CHSY3: variants seen among roughly 807,000 people sequenced by gnomAD.
CHSY3 encodes N-acetylgalactosaminyl-proteoglycan 3-beta-glucuronosyltransferase 3.
Under a neutral mutation model 67.2 loss-of-function variants are expected in CHSY3, and 35 were observed. The ratio of observed to expected loss-of-function variants is 0.52; its 90% CI spans 0.40 to 0.69. CHSY3 has a LOEUF of 0.69. CHSY3 is among the 30% of genes least tolerant of loss of function. The pLI is 0.00. For missense variants in CHSY3, 1,069 were observed against 1,138.5 expected, an observed-to-expected ratio of 0.94 and a Z score of 0.88; for synonymous variants, 474 against 434.7, an observed-to-expected ratio of 1.09 and a Z score of -1.12.
intron 2 of CHSY3, among the ~76,000 whole-genome samples, chr5:130,081,275 G>A (rs1024243657): frequency 6.6e-6 from 1 of 151,292 alleles, no homozygotes; most frequent in African/African-American, 2.4e-5. Flanking sequence ...TTCATTCTGT[G>A]CTTTGGGTGG....
chr5:129,973,790 A>G (rs1406772404), intron 2 of CHSY3, among the ~76,000 whole-genome samples: 5 of 152,118 alleles, frequency 3.3e-5, no homozygotes, highest in Non-Finnish European at 1.5e-5. Flanking sequence ...TGGAGAAGTC[A>G]CTTTTAGTCT....
chr5:130,044,313 C>T (rs925336427), intron 2 of CHSY3, among the ~76,000 whole-genome samples: 15 of 151,962 alleles, frequency 9.9e-5, no homozygotes, highest in Admixed American at 7.2e-4. Context: ...AGGAGGTCAG[C>T]TGCATCATCT....
intron 2 of CHSY3, among the ~76,000 whole-genome samples, chr5:130,092,953 A>C (rs563885395): frequency 6.6e-6 from 1 of 152,336 alleles, no homozygotes; most frequent in South Asian, 2.1e-4. Flanking sequence ...TTCAAATCCA[A>C]TGATCTGGTG....
At chr5:130,151,305 G>A (rs965234082) in intron 2 of CHSY3, among the ~76,000 whole-genome samples, 8 of 152,318 alleles carry the variant, frequency 5.3e-5, no homozygotes, top group African/African-American at 1.4e-4. Flanking sequence ...GGCCCAAAAT[G>A]CCACTTTTGG....
At chr5:130,033,374 T>C (rs193180706) in intron 2 of CHSY3, among the ~76,000 whole-genome samples, 9 of 152,272 alleles carry the variant, frequency 5.9e-5, no homozygotes, top group Admixed American at 3.9e-4. Flanking sequence ...CAGAGGTAGC[T>C]TCTAACTCTT....
chr5:130,056,410 A>T (rs1041282105), intron 2 of CHSY3, among the ~76,000 whole-genome samples: 1 of 152,132 alleles, frequency 6.6e-6, no homozygotes, highest in Non-Finnish European at 1.5e-5. Context: ...TTGCTTAAAG[A>T]GCTTTGATAG....
intron 2 of CHSY3, among the ~76,000 whole-genome samples, chr5:130,019,983 A>G (rs1764319290): frequency 6.6e-6 from 1 of 152,204 alleles, no homozygotes; most frequent in Non-Finnish European, 1.5e-5. Flanking sequence ...AGCCCCAATT[A>G]GCTTTGTACT....
chr5:129,979,216 A>C (rs1762904472), intron 2 of CHSY3, among the ~76,000 whole-genome samples: 1 of 150,438 alleles, frequency 6.6e-6, no homozygotes, highest in African/African-American at 2.4e-5. Flanking sequence ...AAAAAAAAAA[A>C]AAAAAAAAAG....
At chr5:129,908,528 T>A (rs1760409933) in intron 2 of CHSY3, among the ~76,000 whole-genome samples, 168 bp downstream of exon 2, 1 of 152,160 alleles carries the variant, frequency 6.6e-6, no homozygotes, top group South Asian at 2.1e-4. Context: ...TCATTAGGTG[T>A]CAGGCCTGTC....
intron 2 of CHSY3, among the ~76,000 whole-genome samples, chr5:130,124,524 C>G (rs139912221): frequency 4.0e-5 from 6 of 151,040 alleles, no homozygotes; most frequent in Admixed American, 1.3e-4. Flanking sequence ...GGCGTGATCT[C>G]AGCTCACTGC....
intron 2 of CHSY3, among the ~76,000 whole-genome samples, chr5:130,158,190 G>A (rs1322299166): frequency 6.6e-6 from 1 of 152,132 alleles, no homozygotes; most frequent in Admixed American, 6.5e-5. Flanking sequence ...AACTCACTGG[G>A]AATGCAGTTC....
intron 2 of CHSY3, among the ~76,000 whole-genome samples, chr5:129,962,652 C>T (rs781504635): frequency 3.9e-4 from 60 of 151,996 alleles, no homozygotes; most frequent in Non-Finnish European, 6.5e-4. Context: ...CTCATGCTCT[C>T]TGCTCTCTGC....
chr5:130,048,996 C>T (rs1189852404), intron 2 of CHSY3, among the ~76,000 whole-genome samples: 1 of 151,988 alleles, frequency 6.6e-6, no homozygotes, highest in African/African-American at 2.4e-5. Context: ...ACCACACACA[C>T]AGACACACAC....
chr5:130,037,057 G>T (rs1764881995), intron 2 of CHSY3, among the ~76,000 whole-genome samples: 1 of 152,108 alleles, frequency 6.6e-6, no homozygotes, highest in African/African-American at 2.4e-5. Flanking sequence ...ATTGGAAGTA[G>T]GATGTATAGG....
rs1370544904 is a variant in CHSY3 at position 130,186,017 on chromosome 5, G to T, written c.*226G>T. On this transcript the variant is annotated 3_prime_UTR_variant, in exon 3 of 3. Coordinates refer to ENST00000305031, the MANE Select transcript of CHSY3 (RefSeq NM_175856.5). Reference sequence around the variant, plus strand: ...TTCAGATTTCTACTGAAGTCAATATGTTATTACTTTTATATAACTTTATTT... The same window carrying T: ...TTCAGATTTCTACTGAAGTCAATATTTTATTACTTTTATATAACTTTATTT... The T allele has an allele frequency of 3.6e-6, 1 of 274,206 alleles. No homozygotes were observed. The highest frequency in any genetic ancestry group is 6.7e-6 in the Non-Finnish European group (1 of 149,582). The allele number at this position is 274,206 out of a possible 1,614,324, so 17.0% of individuals were successfully genotyped here.
intron 2 of CHSY3, among the ~76,000 whole-genome samples, chr5:130,156,087 T>C (rs575556416): frequency 6.6e-6 from 1 of 152,350 alleles, no homozygotes; most frequent in African/African-American, 2.4e-5. Context: ...AGATTTCTTA[T>C]CATAGTATAC....
At chr5:130,036,328 A>G (rs1742901161) in intron 2 of CHSY3, among the ~76,000 whole-genome samples, 1 of 152,258 alleles carries the variant, frequency 6.6e-6, no homozygotes, top group Middle Eastern at 3.4e-3. Context: ...TAAATTACTT[A>G]TATATTTTCC....
intron 2 of CHSY3, among the ~76,000 whole-genome samples, chr5:129,997,518 T>TC (rs34175235): frequency 0.51 from 77,947 of 151,874 alleles, 20,674 homozygotes; most frequent in Non-Finnish European, 0.59. Context: ...TCACTCTTTT[T>TC]TTTTAATACT....
chr5:130,134,282 T>C (rs555128725), intron 2 of CHSY3, among the ~76,000 whole-genome samples: 3 of 152,324 alleles, frequency 2.0e-5, no homozygotes, highest in Non-Finnish European at 4.4e-5. Context: ...ATTCATTCTA[T>C]TTTTGGTTTC....
Sources: gnomAD v4.1 joint callset for allele counts (sites outside exome capture counted in the v4.1 genomes callset) on GRCh38, gnomAD v4.1.1 for gene constraint, MANE v1.5 for transcripts, NCBI Gene and HGNC (gene_info 2026-07-23, HGNC 2026-07-21) for gene names.